ROBO1: variants seen among roughly 807,000 people sequenced by gnomAD.
ROBO1 encodes the protein roundabout homolog 1.
In ROBO1, 149 loss-of-function variants were observed where a neutral mutation model predicts 195.9. That is an observed-to-expected ratio of 0.76 (90% CI 0.67 to 0.87). The LOEUF is 0.87. Ranked by LOEUF, ROBO1 falls within the 40% of genes least tolerant of loss-of-function variation. ROBO1 has a pLI of 0.00. For synonymous variants in ROBO1, 816 were observed against 733.2 expected, an observed-to-expected ratio of 1.11 and a Z score of -1.82; for missense variants, 1,933 against 2,068.3, an observed-to-expected ratio of 0.93 and a Z score of 1.27.
At chr3:79,152,245 T>C (rs1559697198) in intron 2 of ROBO1, among the ~76,000 whole-genome samples, 1 of 151,890 alleles carries the variant, frequency 6.6e-6, no homozygotes. Context: ...CAGCTGTTTA[T>C]GTTTAAGGTG....
At chr3:79,042,205 C>A (rs2078499949) in intron 3 of ROBO1, among the ~76,000 whole-genome samples, 1 of 152,176 alleles carries the variant, frequency 6.6e-6, no homozygotes, top group African/African-American at 2.4e-5. Context: ...TTTGTTCATT[C>A]ATTCAACAAT....
chr3:78,752,950 C>T (rs2082834534), intron 4 of ROBO1, among the ~76,000 whole-genome samples: 1 of 152,022 alleles, frequency 6.6e-6, no homozygotes, highest in Admixed American at 6.6e-5. Flanking sequence ...GCTTAGGACC[C>T]TGGAAGAAAA....
intron 15 of ROBO1, 92 bp downstream of exon 15, chr3:78,661,901 A>G: frequency 7.3e-7 from 1 of 1,378,324 alleles, no homozygotes; most frequent in Non-Finnish European, 9.9e-7. Flanking sequence ...TCATTAATGT[A>G]CAAGTAGGCA....
At chr3:79,084,452 C>T (rs1207889647) in intron 3 of ROBO1, among the ~76,000 whole-genome samples, 2 of 152,096 alleles carry the variant, frequency 1.3e-5, no homozygotes, top group Non-Finnish European at 2.9e-5. Context: ...GAGCCGAGAT[C>T]GCCCATTGCA....
At chr3:78,897,002 T>C (rs1444959267) in intron 4 of ROBO1, among the ~76,000 whole-genome samples, 1 of 152,170 alleles carries the variant, frequency 6.6e-6, no homozygotes, top group African/African-American at 2.4e-5. Flanking sequence ...AACTGTATGA[T>C]TTACTCATAT....
intron 3 of ROBO1, among the ~76,000 whole-genome samples, chr3:78,992,929 G>T (rs916778644): frequency 6.6e-6 from 1 of 152,076 alleles, no homozygotes; most frequent in Non-Finnish European, 1.5e-5. Context: ...AAGGACAAAA[G>T]AACACGCCAA....
Position 79,317,884 on chromosome 3 carries a change from T to TTA in ROBO1, c.89-192347_89-192346dup, listed in dbSNP as rs894752122. Among the ~76,000 whole-genome samples the TTA allele has an allele frequency of 9.2e-5, 14 of 152,010 alleles. No individual in the cohort carries two copies. In the South Asian group the frequency reaches 1.0e-3, roughly 11 times the overall value. On this transcript the variant is annotated intron_variant, in intron 2 of 30. Transcript: ENST00000464233. ...ACACACACACACACAATGAAATGCA[T>TTA]TATATATATATACACACACGCATAA...
At chr3:78,866,394 A>G (rs2035183088) in intron 4 of ROBO1, among the ~76,000 whole-genome samples, 1 of 152,188 alleles carries the variant, frequency 6.6e-6, no homozygotes, top group Non-Finnish European at 1.5e-5. Context: ...GCCTTGCCCA[A>G]AATAAGGTAG....
chr3:78,764,635 AAT>A (rs1235813173), intron 4 of ROBO1, among the ~76,000 whole-genome samples: 1 of 152,178 alleles, frequency 6.6e-6, no homozygotes, highest in Non-Finnish European at 1.5e-5. Flanking sequence ...TATAGTAAGT[AAT>A]ATCCTTGTAT....
At chr3:78,937,954 A>C (rs908986907) in intron 4 of ROBO1, 6 of 151,436 alleles carry the variant, frequency 4.0e-5, no homozygotes, top group African/African-American at 1.5e-4. Flanking sequence ...TTTATAGACA[A>C]ATTCTCATAT....
At chr3:79,696,962 C>T (rs539843459) in intron 1 of ROBO1, among the ~76,000 whole-genome samples, 1 of 151,404 alleles carries the variant, frequency 6.6e-6, no homozygotes, top group Admixed American at 6.6e-5. Flanking sequence ...TATATTGTCT[C>T]AAAAAGGATA....
At chr3:78,843,286 A>C (rs1171167838) in intron 4 of ROBO1, among the ~76,000 whole-genome samples, 1 of 152,120 alleles carries the variant, frequency 6.6e-6, no homozygotes, top group African/African-American at 2.4e-5. Flanking sequence ...TTCAGACTCA[A>C]AATCAATACC....
intron 4 of ROBO1, among the ~76,000 whole-genome samples, chr3:78,823,605 C>T (rs1379067457): frequency 6.6e-6 from 1 of 152,184 alleles, no homozygotes; most frequent in East Asian, 1.9e-4. Context: ...TGAGGTCTGA[C>T]CCTGCCTTCA....
intron 2 of ROBO1, among the ~76,000 whole-genome samples, chr3:79,196,055 A>C (rs2081627443): frequency 1.3e-5 from 2 of 151,624 alleles, no homozygotes; most frequent in Non-Finnish European, 3.0e-5. Flanking sequence ...GTGGACAAAA[A>C]GATGAAAAGT....
At chr3:78,834,496 T>C (rs1236998943) in intron 4 of ROBO1, among the ~76,000 whole-genome samples, 1 of 150,668 alleles carries the variant, frequency 6.6e-6, no homozygotes, top group Non-Finnish European at 1.5e-5. Context: ...CTTTTCATAT[T>C]TGATTATTAG....
At chr3:79,595,308 A>G (rs1944130852) in intron 1 of ROBO1, among the ~76,000 whole-genome samples, 1 of 152,028 alleles carries the variant, frequency 6.6e-6, no homozygotes, top group Non-Finnish European at 1.5e-5. Context: ...TGTTTCATAT[A>G]TAATTAATTT....
chr3:79,686,161 A>C (rs1253115917), intron 1 of ROBO1, among the ~76,000 whole-genome samples: 1 of 152,218 alleles, frequency 6.6e-6, no homozygotes, highest in Non-Finnish European at 1.5e-5. Context: ...CCTTTGACAA[A>C]ATTCAACAAC....
chr3:78,960,650 C>T (rs1377160259), intron 3 of ROBO1, among the ~76,000 whole-genome samples: 4 of 151,756 alleles, frequency 2.6e-5, no homozygotes, highest in South Asian at 2.1e-4. Flanking sequence ...TGTGGTGGCA[C>T]GTGCCTGTAG....
At chr3:79,083,608 T>C (rs950122783) in intron 3 of ROBO1, among the ~76,000 whole-genome samples, 1 of 152,184 alleles carries the variant, frequency 6.6e-6, no homozygotes. Context: ...TTAACTGAAA[T>C]ATTTGTCACT....
Sources: allele counts gnomAD v4.1 joint callset (sites outside exome capture counted in the v4.1 genomes callset), GRCh38; gene constraint gnomAD v4.1.1; transcripts MANE v1.5; gene names NCBI Gene and HGNC (gene_info 2026-07-23, HGNC 2026-07-21).